NPAS3: variants seen among roughly 807,000 people sequenced by gnomAD.
NPAS3 encodes the protein neuronal PAS domain protein 3, also known as neuronal PAS domain-containing protein 3.
In NPAS3, 14 loss-of-function variants were observed where a neutral mutation model predicts 73.1. The observed-to-expected ratio is 0.19, with a 90% CI of 0.13 to 0.30. The LOEUF (loss-of-function observed/expected upper bound fraction) is 0.30, where lower values mean the gene tolerates loss of function less well. Among genes scored for constraint, NPAS3 ranks in the 10% least tolerant of loss-of-function variants. The pLI is 1.00. For missense variants in NPAS3, 1,096 were observed against 1,250.0 expected, an observed-to-expected ratio of 0.88 and a Z score of 1.86; for synonymous variants, 620 against 541.5, an observed-to-expected ratio of 1.14 and a Z score of -2.01.
At chr14:33,084,156 T>C (rs1289693709) in intron 2 of NPAS3, among the ~76,000 whole-genome samples, 1 of 152,232 alleles carries the variant, frequency 6.6e-6, no homozygotes, top group African/African-American at 2.4e-5. Context: ...TATTAGACTA[T>C]AACACCTGTA....
intron 9 of NPAS3, among the ~76,000 whole-genome samples, chr14:33,788,620 A>G (rs1351061820): frequency 1.3e-5 from 2 of 152,226 alleles, no homozygotes; most frequent in Non-Finnish European, 2.9e-5. Context: ...GAACAGCCCA[A>G]CAGGAAGAGA....
chr14:33,025,733 A>G (rs1415273057), intron 1 of NPAS3, among the ~76,000 whole-genome samples: 1 of 151,988 alleles, frequency 6.6e-6, no homozygotes, highest in African/African-American at 2.4e-5. Flanking sequence ...TTCCCCCTTC[A>G]TTCTTTCTCT....
chr14:33,480,492 C>T (rs1434668624), intron 4 of NPAS3, among the ~76,000 whole-genome samples: 3 of 150,586 alleles, frequency 2.0e-5, no homozygotes, highest in South Asian at 2.1e-4. Flanking sequence ...ATATTCTCTC[C>T]GTCTGTCTCT....
chr14:33,215,305 C>A lies in NPAS3; in HGVS notation c.264C>A (p.Leu88=), dbSNP rs140980650. The A allele has an allele frequency of 1.9e-6, 3 of 1,561,930 alleles. No individual in the cohort carries two copies. The African/African-American group carries it at 4.1e-5, about 21-fold the overall frequency. The change falls in exon 3 of 12, where the codon CTC becomes CTA. Residue 88 remains leucine (L), a synonymous_variant. Transcript: ENST00000356141. ...TTCCTGCAGCCATTACCAGCCAGCT[C>A]GACAAGGCATCCATCATTCGACTTA...
chr14:33,119,197 C>A (rs1430812163), intron 2 of NPAS3, among the ~76,000 whole-genome samples: 1 of 151,978 alleles, frequency 6.6e-6, no homozygotes, highest in Non-Finnish European at 1.5e-5. Context: ...GAAAATGTAG[C>A]AAATTTATTT....
chr14:33,544,851 T>C (rs2054763984), intron 4 of NPAS3, among the ~76,000 whole-genome samples: 1 of 135,558 alleles, frequency 7.4e-6, no homozygotes. Context: ...ATTATATATA[T>C]GTGTATATAT....
At chr14:33,719,656 C>T (rs953344795) in intron 6 of NPAS3, among the ~76,000 whole-genome samples, 1 of 152,070 alleles carries the variant, frequency 6.6e-6, no homozygotes, top group Non-Finnish European at 1.5e-5. Flanking sequence ...GAAGTTGAAC[C>T]AACAAACCTG....
chr14:33,476,504 T>A (rs11847009), intron 4 of NPAS3, among the ~76,000 whole-genome samples: 58,177 of 152,174 alleles, frequency 0.38, 15,487 homozygotes, highest in African/African-American at 0.76. Flanking sequence ...TCGGTATTTC[T>A]ACACAACTTT....
At chr14:33,069,977 G>A (rs2041427613) in intron 2 of NPAS3, among the ~76,000 whole-genome samples, 1 of 152,162 alleles carries the variant, frequency 6.6e-6, no homozygotes, top group Non-Finnish European at 1.5e-5. Flanking sequence ...ATGGAAGCTG[G>A]TCAGTAACCC....
intron 2 of NPAS3, among the ~76,000 whole-genome samples, chr14:33,192,527 G>A (rs562181831): frequency 6.6e-6 from 1 of 152,252 alleles, no homozygotes; most frequent in East Asian, 1.9e-4. Flanking sequence ...CACCAGCTTG[G>A]CCCTTGGAAC....
intron 1 of NPAS3, among the ~76,000 whole-genome samples, chr14:33,013,332 C>G (rs1464705822): frequency 6.6e-6 from 1 of 152,096 alleles, no homozygotes. Flanking sequence ...CCAGACTTAG[C>G]ATTTCTATTA....
At position 33,186,505 on chromosome 14, in the gene NPAS3, C is replaced by T. The variant is rs114131365; in HGVS notation, c.141-28677C>T. Among the ~76,000 whole-genome samples, 764 of 152,226 alleles carry T rather than the reference C, an allele frequency of 5.0e-3. 6 individuals are homozygous for T. Among genetic ancestry groups the T allele is most frequent in the African/African-American group, 0.017 (713 of 41,536 alleles). On this transcript the variant is annotated intron_variant, in intron 2 of 11. Coordinates refer to ENST00000356141, the Ensembl canonical transcript of NPAS3. ...ATTTCTGAGCTTTAGTTTGAATATC[C>T]AAATGATCTCCTGACATCAGGACCA...
At chr14:33,169,310 G>C (rs1240279185) in intron 2 of NPAS3, among the ~76,000 whole-genome samples, 1 of 152,160 alleles carries the variant, frequency 6.6e-6, no homozygotes, top group Non-Finnish European at 1.5e-5. Context: ...GCTCATGCCT[G>C]TAATCCCAGC....
chr14:33,334,542 A>G (rs1463862069), intron 3 of NPAS3, among the ~76,000 whole-genome samples: 1 of 152,080 alleles, frequency 6.6e-6, no homozygotes, highest in Non-Finnish European at 1.5e-5. Flanking sequence ...AATTCAAGTT[A>G]TTTTATATGT....
Position 32,981,672 on chromosome 14 carries a change from G to A in NPAS3, c.50+42306G>A, listed in dbSNP as rs150863150. Among the ~76,000 whole-genome samples, 357 of 152,248 alleles carry A rather than the reference G, an allele frequency of 2.3e-3. 1 individual carries two copies. The highest frequency in any genetic ancestry group is 7.9e-3 in the African/African-American group (329 of 41,552). On this transcript the variant is annotated intron_variant, in intron 1 of 11. Coordinates refer to ENST00000356141, the Ensembl canonical transcript of NPAS3. ...TGAGTCTTTTTGTCAAGCCGAAAAA[G>A]ATTCCTTAATGTATCACATAGATGT...
At chr14:33,048,685 C>T (rs187916078) in intron 1 of NPAS3, among the ~76,000 whole-genome samples, 2 of 152,330 alleles carry the variant, frequency 1.3e-5, no homozygotes, top group East Asian at 3.9e-4. Context: ...TCATCAACCA[C>T]TTCCCAGAAC....
intron 7 of NPAS3, among the ~76,000 whole-genome samples, chr14:33,762,164 T>G (rs1456101154): frequency 6.6e-6 from 1 of 152,252 alleles, no homozygotes; most frequent in African/African-American, 2.4e-5. Context: ...CTACTCTATA[T>G]TCACTCAGAG....
intron 2 of NPAS3, among the ~76,000 whole-genome samples, chr14:33,129,192 T>C (rs1273764492): frequency 6.6e-6 from 1 of 152,134 alleles, no homozygotes; most frequent in African/African-American, 2.4e-5. Context: ...GTGCTTCTCA[T>C]TTTAGAATTC....
chr14:33,127,447 C>G lies in NPAS3; in HGVS notation c.140+71453C>G, dbSNP rs1220232958. On this transcript the variant is annotated intron_variant, in intron 2 of 11. Coordinates refer to ENST00000356141, the Ensembl canonical transcript of NPAS3. ...ACACTTAATGATGTTTGTAGTGTTGCATTTCCGGCATAAAACCAACTTGGC... is the reference window on the plus strand; with the variant it reads ...ACACTTAATGATGTTTGTAGTGTTGGATTTCCGGCATAAAACCAACTTGGC... Among the ~76,000 whole-genome samples, 2 of 152,062 alleles carry G rather than the reference C, an allele frequency of 1.3e-5. 1 individual carries two copies. Among genetic ancestry groups the G allele is most frequent in the South Asian group, 4.1e-4 (2 of 4,828 alleles).
Sources: allele counts gnomAD v4.1 joint callset (sites outside exome capture counted in the v4.1 genomes callset), GRCh38; gene constraint gnomAD v4.1.1; transcripts MANE v1.5; gene names NCBI Gene and HGNC (gene_info 2026-07-23, HGNC 2026-07-21).